Variants in IRAK2 observed in about 807,000 individuals in gnomAD.
The protein encoded by IRAK2 is interleukin-1 receptor-associated kinase-like 2.
IRAK2 carries 57 observed loss-of-function variants against 72.0 expected under a neutral mutation model. The ratio of observed to expected loss-of-function variants is 0.79; its 90% CI spans 0.64 to 0.99. The LOEUF is 0.99. IRAK2 is among the 50% of genes least tolerant of loss of function. IRAK2 has a pLI of 0.00. For missense variants in IRAK2, 790 were observed against 794.4 expected (o/e 0.99, Z 0.07); for synonymous variants, 293 against 312.7 (o/e 0.94, Z 0.67).
chr3:10,185,276 G>A (rs528160920), intron 2 of IRAK2, among the ~76,000 whole-genome samples: 5 of 150,452 alleles, frequency 3.3e-5, no homozygotes, highest in Admixed American at 2.6e-4. Flanking sequence ...ACCACTGCTC[G>A]GCCCGGCGCG....
chr3:10,215,548 A>G (rs1250779821), intron 6 of IRAK2, among the ~76,000 whole-genome samples: 1 of 152,072 alleles, frequency 6.6e-6, no homozygotes, highest in Non-Finnish European at 1.5e-5. Flanking sequence ...TTTCATTTTT[A>G]ATTGTTAAAA....
chr3:10,239,837 C>G (rs1698024708), intron 12 of IRAK2, among the ~76,000 whole-genome samples: 1 of 152,136 alleles, frequency 6.6e-6, no homozygotes, highest in African/African-American at 2.4e-5. Context: ...ACACCATCCT[C>G]ACCAGTCACT....
intron 7 of IRAK2, among the ~76,000 whole-genome samples, chr3:10,219,259 A>T (rs1697650669): frequency 6.6e-6 from 1 of 152,150 alleles, no homozygotes; most frequent in Non-Finnish European, 1.5e-5. Context: ...AGAGGACATG[A>T]AGGGTGGGAG....
chr3:10,240,055 G>A (rs1698027750), intron 12 of IRAK2, among the ~76,000 whole-genome samples: 1 of 151,470 alleles, frequency 6.6e-6, no homozygotes. Flanking sequence ...GCTGAGGCAT[G>A]AGAATCACTT....
chr3:10,213,403 T>TGA lies in IRAK2; in HGVS notation c.723+4_723+5dup. On this transcript the variant is annotated splice_region_variant and intron_variant, in intron 5 of 12. Coordinates refer to ENST00000256458, the MANE Select transcript of IRAK2 (RefSeq NM_001570.4). ...TTCGTCTTCAAGAAGCTCAGAGAGG[T>TGA]GAGCACTTCTTGGTTTCTAGTGGGG... The TGA allele has an allele frequency of 6.2e-7, 1 of 1,613,764 alleles. No individual in the cohort carries two copies.
At chr3:10,181,562 G>A (rs557058192) in intron 2 of IRAK2, among the ~76,000 whole-genome samples, 32 of 152,214 alleles carry the variant, frequency 2.1e-4, no homozygotes, top group African/African-American at 7.2e-4. Flanking sequence ...ATTGCACACT[G>A]CACTCCAGCC....
intron 11 of IRAK2, among the ~76,000 whole-genome samples, chr3:10,238,195 A>G (rs997569377): frequency 3.3e-5 from 5 of 152,126 alleles, no homozygotes; most frequent in Non-Finnish European, 7.4e-5. Context: ...CATTTAACCA[A>G]ACAACAGAGA....
chr3:10,169,812 T>C (rs1696767397), intron 1 of IRAK2, among the ~76,000 whole-genome samples: 2 of 152,218 alleles, frequency 1.3e-5, no homozygotes. Flanking sequence ...GATTAAGAGA[T>C]TAAAGACAGG....
At chr3:10,217,185 G>A in intron 7 of IRAK2, 137 bp downstream of exon 7, 2 of 646,902 alleles carry the variant, frequency 3.1e-6, no homozygotes, top group South Asian at 1.8e-5. Flanking sequence ...GAGAGAAGTG[G>A]GGCCAGGATA....
intron 2 of IRAK2, among the ~76,000 whole-genome samples, chr3:10,197,634 T>C (rs810304): frequency 6.6e-6 from 1 of 151,684 alleles, no homozygotes; most frequent in Non-Finnish European, 1.5e-5. Flanking sequence ...GGGCGGATCA[T>C]GAGGTCAGGA....
In IRAK2 at chr3:10,216,921, C is replaced by G. The variant is rs371120659; in HGVS notation, c.789-13C>G. ...GTCTGACTCCTCACACCTGCACTGA[C>G]GCCCGATTCCAGATGCTGCCACCCC... On this transcript the variant is annotated splice_polypyrimidine_tract_variant and intron_variant, in intron 6 of 12. Transcript: ENST00000256458. 6.2e-7 allele frequency: 1 copy of G among 1,600,366 alleles called. No individual in the cohort carries two copies. Among genetic ancestry groups the G allele is most frequent in the South Asian group, 1.1e-5 (1 of 90,808 alleles).
At chr3:10,178,080 C>A (rs553882976) in intron 2 of IRAK2, 60 bp downstream of exon 2, 3 of 1,354,148 alleles carry the variant, frequency 2.2e-6, no homozygotes, top group South Asian at 1.3e-5. Flanking sequence ...AGTTTCCATC[C>A]GTGTGAGTTG....
At chr3:10,209,508 G>T in intron 3 of IRAK2, 81 bp from the exon 4 acceptor site, 1 of 858,966 alleles carries the variant, frequency 1.2e-6, no homozygotes, top group African/African-American at 1.8e-5. Flanking sequence ...CAGGAGACTG[G>T]CATAGTCTGA....
intron 2 of IRAK2, among the ~76,000 whole-genome samples, chr3:10,189,466 G>A (rs1342363718): frequency 6.6e-6 from 1 of 152,226 alleles, no homozygotes; most frequent in Non-Finnish European, 1.5e-5. Context: ...GGACTGGGGG[G>A]CTGGGCCTGT....
chr3:10,236,513 A>T (rs1697963629), intron 11 of IRAK2, among the ~76,000 whole-genome samples: 1 of 151,606 alleles, frequency 6.6e-6, no homozygotes, highest in African/African-American at 2.4e-5. Flanking sequence ...ACACCCAGCT[A>T]ATTTTTGTAT....
rs1025953930 is a variant in IRAK2, at chr3:10,242,849, C to T, written c.*621C>T. The T allele has an allele frequency of 6.6e-6, 1 of 152,190 alleles. No individual in the cohort carries two copies. The highest frequency in any genetic ancestry group is 2.4e-5 in the African/African-American group (1 of 41,426). The allele number at this position is 152,190 out of a possible 1,614,324, so 9.4% of individuals were successfully genotyped here. A position where few individuals can be genotyped will look rare whatever the true frequency, so the allele number is the denominator to read the frequency against. On this transcript the variant is annotated 3_prime_UTR_variant, in exon 13 of 13. Coordinates refer to ENST00000256458, the MANE Select transcript of IRAK2 (RefSeq NM_001570.4). ...GTGTCTCAGTGCAGTTCTTGACTCA[C>T]CTCTCTGGGCCTCAGGTTCTACAAA...
chr3:10,220,113 A>G (rs1697665978), intron 8 of IRAK2, among the ~76,000 whole-genome samples: 1 of 152,116 alleles, frequency 6.6e-6, no homozygotes, highest in African/African-American at 2.4e-5. Flanking sequence ...CCTGGACCTC[A>G]TCCTCGAACT....
chr3:10,185,828 G>A (rs78839573), intron 2 of IRAK2, among the ~76,000 whole-genome samples: 2,827 of 151,518 alleles, frequency 0.019, 184 homozygotes, highest in African/African-American at 0.067. Context: ...AGTGAGCTGA[G>A]ATTGTGCCAC....
chr3:10,216,973 T>G lies in IRAK2; in HGVS notation c.828T>G (p.Cys276Trp), dbSNP rs769621993. The change falls in exon 7 of 13, where the codon TGT (cysteine) becomes TGG (tryptophan). Residue 276 changes from cysteine (C) to tryptophan (W), a missense_variant. Coordinates refer to ENST00000256458, the MANE Select transcript of IRAK2 (RefSeq NM_001570.4). ...HPNVLPVLGF[C>W]AARQFHSFIY... The stretch of plus-strand genomic sequence containing the variant: ...ATGTCTTACCTGTGCTGGGCTTCTG[T>G]GCTGCAAGACAGTTTCACAGCTTCA... 23 of 1,614,194 alleles carry G rather than the reference T, an allele frequency of 1.4e-5. No homozygotes were observed. The Admixed American group carries it at 3.7e-4, about 26-fold the overall frequency.
Sources: allele counts gnomAD v4.1 joint callset (sites outside exome capture counted in the v4.1 genomes callset), GRCh38; gene constraint gnomAD v4.1.1; transcripts MANE v1.5; gene names NCBI Gene and HGNC (gene_info 2026-07-23, HGNC 2026-07-21).